TACC2: variants seen among roughly 807,000 people sequenced by gnomAD.
TACC2 encodes the protein transforming acidic coiled-coil containing protein 2, also known as transforming acidic coiled-coil-containing protein 2.
Under a neutral mutation model 227.3 loss-of-function variants are expected in TACC2, and 137 were observed. That is an observed-to-expected ratio of 0.60 (90% CI 0.52 to 0.69). TACC2 has a LOEUF of 0.69. Among genes scored for constraint, TACC2 ranks in the 30% least tolerant of loss-of-function variants. TACC2 has a pLI of 0.00. For synonymous variants in TACC2, 1,523 were observed against 1,487.5 expected, an observed-to-expected ratio of 1.02 and a Z score of -0.55; for missense variants, 3,470 against 3,694.4, an observed-to-expected ratio of 0.94 and a Z score of 1.57.
intron 3 of TACC2, among the ~76,000 whole-genome samples, chr10:122,056,441 C>T (rs1322300196): frequency 2.6e-5 from 4 of 152,206 alleles, no homozygotes; most frequent in African/African-American, 4.8e-5. Flanking sequence ...TCCCAAAGTG[C>T]TGGGATTACA....
intron 3 of TACC2, among the ~76,000 whole-genome samples, chr10:122,072,199 C>T (rs2078161296): frequency 6.6e-6 from 1 of 152,038 alleles, no homozygotes; most frequent in African/African-American, 2.4e-5. Context: ...TTGTGATCCG[C>T]TTGCCTTGGT....
intron 5 of TACC2, among the ~76,000 whole-genome samples, chr10:122,116,746 G>C (rs897906847): frequency 6.6e-6 from 1 of 152,200 alleles, no homozygotes; most frequent in South Asian, 2.1e-4. Context: ...TAGCCTGTGT[G>C]CATTAGTGTT....
chr10:122,111,745 C>T (rs1031693303), intron 5 of TACC2, among the ~76,000 whole-genome samples: 9 of 151,992 alleles, frequency 5.9e-5, no homozygotes, highest in African/African-American at 1.7e-4. Context: ...CTGTCCACCT[C>T]GGCCTCCCAA....
intron 3 of TACC2, among the ~76,000 whole-genome samples, chr10:122,079,574 A>G (rs1182518531): frequency 1.3e-5 from 2 of 152,210 alleles, no homozygotes; most frequent in Non-Finnish European, 2.9e-5. Context: ...AGATGAGTGC[A>G]GGGGTGGTTC....
intron 7 of TACC2, among the ~76,000 whole-genome samples, chr10:122,172,838 A>G: frequency 6.6e-6 from 1 of 151,948 alleles, no homozygotes; most frequent in East Asian, 1.9e-4. Flanking sequence ...CGGGGAGGGC[A>G]GGGGGTGAGG....
chr10:122,134,406 G>A (rs760681280), intron 6 of TACC2, among the ~76,000 whole-genome samples: 61 of 151,994 alleles, frequency 4.0e-4, no homozygotes, highest in Non-Finnish European at 6.5e-4. Flanking sequence ...TCAAACTCCT[G>A]ACCCCCAGGT....
At chr10:121,993,410 A>G (rs1347261795) in intron 1 of TACC2, among the ~76,000 whole-genome samples, 2 of 152,164 alleles carry the variant, frequency 1.3e-5, no homozygotes, top group Non-Finnish European at 2.9e-5. Context: ...AAATCCCTAG[A>G]CTAGAAAAGA....
intron 5 of TACC2, among the ~76,000 whole-genome samples, chr10:122,116,805 T>G (rs1412981954): frequency 6.6e-6 from 1 of 152,202 alleles, no homozygotes; most frequent in Non-Finnish European, 1.5e-5. Flanking sequence ...AGTTCTTCCT[T>G]ATTTAGAAGC....
intron 3 of TACC2, among the ~76,000 whole-genome samples, chr10:122,081,936 T>A (rs574192079): frequency 4.8e-4 from 73 of 152,340 alleles, no homozygotes; most frequent in African/African-American, 1.6e-3. Flanking sequence ...TTCCTGAACA[T>A]CTAAGGATCC....
At chr10:122,075,058 C>G (rs368807741) in intron 3 of TACC2, among the ~76,000 whole-genome samples, 6 of 151,980 alleles carry the variant, frequency 3.9e-5, no homozygotes, top group African/African-American at 1.5e-4. Flanking sequence ...TTCCACCAGA[C>G]TCTAAATTAT....
At chr10:122,004,289 T>G (rs1954789846) in intron 1 of TACC2, among the ~76,000 whole-genome samples, 1 of 151,528 alleles carries the variant, frequency 6.6e-6, no homozygotes, top group Non-Finnish European at 1.5e-5. Flanking sequence ...TCCCAGATAC[T>G]CAGGAGGCTG....
intron 2 of TACC2, among the ~76,000 whole-genome samples, chr10:122,046,019 T>A (rs1378604576): frequency 2.0e-5 from 3 of 149,092 alleles, no homozygotes; most frequent in Non-Finnish European, 4.4e-5. Flanking sequence ...TAAAAAAAAA[T>A]ACAAAATTAG....
At chr10:122,058,179 G>A (rs78404946) in intron 3 of TACC2, among the ~76,000 whole-genome samples, 3,410 of 152,330 alleles carry the variant, frequency 0.022, 59 homozygotes, top group Middle Eastern at 0.037. Context: ...TGAGCATGGG[G>A]TGTAACATGT....
rs2095658561 is a variant in TACC2 at position 122,227,833 on chromosome 10, C to G, written c.7725-4C>G. 5.6e-6 allele frequency: 9 copies of G among 1,605,520 alleles called. No homozygotes were observed. Among genetic ancestry groups the G allele is most frequent in the Non-Finnish European group, 7.7e-6 (9 of 1,175,068 alleles). On this transcript the variant is annotated splice_region_variant and splice_polypyrimidine_tract_variant and intron_variant, in intron 13 of 22. Transcript: ENST00000369005. ...TAAAGAAAGATGCCCTTTGCTTCCC[C>G]CAGGTCAAGTTTTGAAGAGACTGAA...
intron 5 of TACC2, among the ~76,000 whole-genome samples, chr10:122,089,799 G>A (rs530857422): frequency 1.3e-5 from 2 of 152,222 alleles, no homozygotes; most frequent in South Asian, 2.1e-4. Flanking sequence ...CCTGTTTTTC[G>A]AGTCTGAACA....
chr10:122,136,334 C>T (rs1459570734), intron 6 of TACC2, among the ~76,000 whole-genome samples: 1 of 152,054 alleles, frequency 6.6e-6, no homozygotes, highest in Non-Finnish European at 1.5e-5. Context: ...GTCCCCGCCA[C>T]CCCATCCACC....
chr10:122,174,487 C>G (rs2093617983), intron 7 of TACC2, among the ~76,000 whole-genome samples: 1 of 152,168 alleles, frequency 6.6e-6, no homozygotes, highest in African/African-American at 2.4e-5. Flanking sequence ...CCACCCGTGT[C>G]TCCCTCTCTG....
At chr10:122,160,281 G>A (rs943352775) in intron 7 of TACC2, among the ~76,000 whole-genome samples, 1 of 152,186 alleles carries the variant, frequency 6.6e-6, no homozygotes, top group African/African-American at 2.4e-5. Flanking sequence ...CTGCCTTCGG[G>A]CCCCTAGAAT....
intron 2 of TACC2, among the ~76,000 whole-genome samples, chr10:122,029,217 A>C (rs1156913471): frequency 6.6e-6 from 1 of 151,612 alleles, no homozygotes; most frequent in East Asian, 1.9e-4. Flanking sequence ...CTCTATTCCT[A>C]GTTTGCTGTG....
Sources: allele counts gnomAD v4.1 joint callset (sites outside exome capture counted in the v4.1 genomes callset), GRCh38; gene constraint gnomAD v4.1.1; transcripts MANE v1.5; gene names NCBI Gene and HGNC (gene_info 2026-07-23, HGNC 2026-07-21).